Variants in NUBPL observed in about 807,000 individuals in gnomAD.
NUBPL encodes the protein iron-sulfur cluster transfer protein NUBPL.
NUBPL carries 31 observed loss-of-function variants against 45.7 expected under a neutral mutation model. That is an observed-to-expected ratio of 0.68 (90% CI 0.51 to 0.92). The LOEUF (loss-of-function observed/expected upper bound fraction) is 0.92, where lower values mean the gene tolerates loss of function less well. Ranked by LOEUF, NUBPL falls within the 40% of genes least tolerant of loss-of-function variation. The pLI is 0.00. For missense variants in NUBPL, 401 were observed against 398.7 expected, an observed-to-expected ratio of 1.01 and a Z score of -0.05; for synonymous variants, 144 against 140.9, an observed-to-expected ratio of 1.02 and a Z score of -0.15.
chr14:31,812,685 T>C (rs2039832227), intron 7 of NUBPL, among the ~76,000 whole-genome samples: 1 of 152,142 alleles, frequency 6.6e-6, no homozygotes. Context: ...GGTACCTCAG[T>C]TGGAAATGCA....
chr14:31,773,571 A>G (rs900463328), intron 6 of NUBPL, among the ~76,000 whole-genome samples: 5 of 152,222 alleles, frequency 3.3e-5, no homozygotes, highest in Non-Finnish European at 5.9e-5. Context: ...TTGAATAACG[A>G]TCCTAGGAGC....
chr14:31,808,363 A>G (rs888535146), intron 7 of NUBPL, among the ~76,000 whole-genome samples: 10 of 152,124 alleles, frequency 6.6e-5, no homozygotes, highest in African/African-American at 2.2e-4. Flanking sequence ...GGATTCCTAG[A>G]TATTTTATTC....
chr14:31,835,416 T>C (rs1039303814), intron 8 of NUBPL, among the ~76,000 whole-genome samples: 2 of 152,196 alleles, frequency 1.3e-5, no homozygotes, highest in Admixed American at 6.5e-5. Flanking sequence ...GAGCAAATAA[T>C]TTAGCTTCAG....
chr14:31,583,413 G>A (rs2033915484), intron 3 of NUBPL, among the ~76,000 whole-genome samples: 1 of 152,106 alleles, frequency 6.6e-6, no homozygotes, highest in African/African-American at 2.4e-5. Context: ...TAGACACTGT[G>A]GTGGGAATTT....
intron 4 of NUBPL, among the ~76,000 whole-genome samples, chr14:31,623,514 G>A (rs2139641092): frequency 6.6e-6 from 1 of 152,260 alleles, no homozygotes; most frequent in East Asian, 1.9e-4. Context: ...TGTGTCAAGG[G>A]CAGGACCTGA....
chr14:31,679,012 T>A (rs570046731), intron 6 of NUBPL, among the ~76,000 whole-genome samples: 1 of 152,156 alleles, frequency 6.6e-6, no homozygotes, highest in Admixed American at 6.5e-5. Flanking sequence ...GTCCATATGC[T>A]TCCTCTGTGT....
At chr14:31,804,843 AC>A (rs2039654556) in intron 7 of NUBPL, among the ~76,000 whole-genome samples, 1 of 152,160 alleles carries the variant, frequency 6.6e-6, no homozygotes, top group South Asian at 2.1e-4. Context: ...CTGGAAGACA[AC>A]CTAGCAATAC....
chr14:31,691,030 A>G (rs2037080296), intron 6 of NUBPL, among the ~76,000 whole-genome samples: 2 of 151,672 alleles, frequency 1.3e-5, no homozygotes, highest in Admixed American at 1.3e-4. Flanking sequence ...ACAGAGGAAG[A>G]AGGATTGGTA....
At chr14:31,821,673 C>G (rs1025516293) in intron 7 of NUBPL, among the ~76,000 whole-genome samples, 1 of 152,212 alleles carries the variant, frequency 6.6e-6, no homozygotes, top group Non-Finnish European at 1.5e-5. Context: ...ATTGAGCAGT[C>G]CTATTGCTGG....
intron 4 of NUBPL, among the ~76,000 whole-genome samples, chr14:31,635,856 T>A (rs1478700873): frequency 1.3e-5 from 2 of 152,214 alleles, no homozygotes; most frequent in Non-Finnish European, 2.9e-5. Flanking sequence ...GAAGCAATTG[T>A]GAATGGGCGT....
chr14:31,746,791 C>T (rs114860955), intron 6 of NUBPL, among the ~76,000 whole-genome samples: 1,535 of 151,764 alleles, frequency 0.01, 51 homozygotes, highest in African/African-American at 0.036. Flanking sequence ...AGTTTGAGGC[C>T]GAGCATGGTG....
intron 6 of NUBPL, among the ~76,000 whole-genome samples, chr14:31,747,072 CAAAA>C (rs371061163): frequency 4.6e-5 from 3 of 65,500 alleles, no homozygotes; most frequent in Non-Finnish European, 7.9e-5. Context: ...AACCTGTCTC[CAAAA>C]AAAAAAAAAA....
chr14:31,696,669 CT>C (rs1183921131), intron 6 of NUBPL, among the ~76,000 whole-genome samples: 2 of 152,254 alleles, frequency 1.3e-5, no homozygotes, highest in East Asian at 3.9e-4. Flanking sequence ...ACCAATTTTA[CT>C]TTCCTGTCAT....
intron 6 of NUBPL, among the ~76,000 whole-genome samples, chr14:31,738,745 A>C (rs900516934): frequency 3.3e-5 from 5 of 152,166 alleles, no homozygotes; most frequent in Non-Finnish European, 7.4e-5. Flanking sequence ...AAATGTACTA[A>C]ACTTTCTGAT....
At chr14:31,850,226 T>C in intron 10 of NUBPL, 25 bp downstream of exon 10, 2 of 1,518,334 alleles carry the variant, frequency 1.3e-6, no homozygotes, top group Non-Finnish European at 1.8e-6. Context: ...TGGATACATA[T>C]TTTTATTTCT....
chr14:31,684,274 G>A (rs572630865), intron 6 of NUBPL, among the ~76,000 whole-genome samples: 26 of 152,274 alleles, frequency 1.7e-4, no homozygotes, highest in African/African-American at 5.3e-4. Flanking sequence ...CTAGTGTCAT[G>A]TACATGGGTT....
intron 7 of NUBPL, among the ~76,000 whole-genome samples, chr14:31,800,673 A>G (rs901601406): frequency 2.6e-5 from 4 of 152,212 alleles, no homozygotes; most frequent in Admixed American, 2.0e-4. Flanking sequence ...TTAAATTAAA[A>G]AAGAACTTCT....
At chr14:31,802,811 T>A (rs61994434) in intron 7 of NUBPL, among the ~76,000 whole-genome samples, 57,589 of 151,882 alleles carry the variant, frequency 0.38, 12,029 homozygotes, top group South Asian at 0.47. Context: ...TGGGCCCTGC[T>A]GATAGAAGGA....
intron 9 of NUBPL, among the ~76,000 whole-genome samples, chr14:31,847,341 T>G (rs552814609): frequency 2.0e-5 from 3 of 152,362 alleles, no homozygotes; most frequent in African/African-American, 7.2e-5. Flanking sequence ...TTTGTTAGTC[T>G]TTCTGCTTTA....
Sources: gnomAD v4.1 joint callset for allele counts (sites outside exome capture counted in the v4.1 genomes callset) on GRCh38, gnomAD v4.1.1 for gene constraint, MANE v1.5 for transcripts, NCBI Gene and HGNC (gene_info 2026-07-23, HGNC 2026-07-21) for gene names.